Variants in PTPRG observed in about 807,000 individuals in gnomAD.
The protein encoded by PTPRG is receptor-type tyrosine-protein phosphatase gamma.
A neutral mutation model predicts 165.3 loss-of-function variants in PTPRG; 102 were observed. The observed-to-expected ratio is 0.62, with a 90% CI of 0.53 to 0.73. PTPRG has a LOEUF of 0.73. Among genes scored for constraint, PTPRG ranks in the 30% least tolerant of loss-of-function variants. The probability of loss-of-function intolerance (pLI) is 0.00; values close to 1 mark genes in which losing one functional copy is unlikely to be tolerated. For synonymous variants in PTPRG, 675 were observed against 669.5 expected, an observed-to-expected ratio of 1.01 and a Z score of -0.13; for missense variants, 1,866 against 1,861.4, an observed-to-expected ratio of 1.00 and a Z score of -0.05.
chr3:61,831,604 CT>C (rs1237826845), intron 2 of PTPRG, among the ~76,000 whole-genome samples: 2 of 152,056 alleles, frequency 1.3e-5, no homozygotes, highest in African/African-American at 4.8e-5. Flanking sequence ...TATCTTCTTA[CT>C]TTGTTAATTC....
In PTPRG at chr3:62,296,807, G is replaced by A. The variant is rs1703079394; in HGVS notation, c.*3500G>A. 6.6e-6 allele frequency: 1 copy of A among 151,974 alleles called. No individual in the cohort carries two copies. Among genetic ancestry groups the A allele is most frequent in the Admixed American group, 6.6e-5 (1 of 15,232 alleles). 9.4% of individuals were successfully genotyped at this position (151,974 alleles called of 1,614,324 possible). On this transcript the variant is annotated 3_prime_UTR_variant, in exon 30 of 30. Transcript: ENST00000474889. The stretch of plus-strand genomic sequence containing the variant: ...AATAATGATATTTGGCCTCTACTTT[G>A]TCTTAGCTGTTAAACTGTTTTTAGT...
At chr3:62,112,955 T>C (rs779185162) in intron 5 of PTPRG, among the ~76,000 whole-genome samples, 9 of 152,202 alleles carry the variant, frequency 5.9e-5, no homozygotes, top group Non-Finnish European at 1.2e-4. Context: ...CTTTCACCTT[T>C]CGGAGCAGAC....
At chr3:62,069,637 GTCTC>G (rs537162206) in intron 4 of PTPRG, among the ~76,000 whole-genome samples, 6,076 of 141,052 alleles carry the variant, frequency 0.043, 196 homozygotes, top group South Asian at 0.079. Flanking sequence ...TAGGATCGAT[GTCTC>G]TCTCTCTCTC....
intron 1 of PTPRG, among the ~76,000 whole-genome samples, chr3:61,566,179 G>A (rs1436429910): frequency 6.6e-6 from 1 of 152,218 alleles, no homozygotes; most frequent in East Asian, 1.9e-4. Flanking sequence ...GGAAGGGTTG[G>A]CTGATGTGGG....
chr3:62,133,277 G>T (rs541987045), intron 6 of PTPRG, among the ~76,000 whole-genome samples: 1 of 152,362 alleles, frequency 6.6e-6, no homozygotes, highest in Admixed American at 6.5e-5. Context: ...ATGACATCAA[G>T]ATCCTCTAAT....
chr3:61,590,722 G>C (rs377109098), intron 1 of PTPRG, among the ~76,000 whole-genome samples: 14 of 151,954 alleles, frequency 9.2e-5, no homozygotes, highest in African/African-American at 3.1e-4. Context: ...TGTATTGCTT[G>C]TTTTTTTCAT....
chr3:61,760,503 A>C (rs188439745), intron 2 of PTPRG, among the ~76,000 whole-genome samples: 1 of 152,212 alleles, frequency 6.6e-6, no homozygotes. Context: ...TTTAAGTTTC[A>C]TTTCTGCTTA....
chr3:61,926,376 T>C (rs2039210900), intron 2 of PTPRG, among the ~76,000 whole-genome samples: 1 of 151,846 alleles, frequency 6.6e-6, no homozygotes, highest in Non-Finnish European at 1.5e-5. Flanking sequence ...GTGTAGCACC[T>C]CCCCCTCCTC....
intron 7 of PTPRG, among the ~76,000 whole-genome samples, chr3:62,159,377 T>C (rs1423893029): frequency 1.3e-5 from 2 of 152,080 alleles, no homozygotes; most frequent in Admixed American, 1.3e-4. Flanking sequence ...GAATACTGAT[T>C]TGGCTACTTT....
At chr3:61,973,635 C>T (rs1311306634) in intron 2 of PTPRG, among the ~76,000 whole-genome samples, 1 of 152,052 alleles carries the variant, frequency 6.6e-6, no homozygotes, top group Admixed American at 6.6e-5. Context: ...AGTTTGAGAA[C>T]AGCCTGGCCA....
intron 2 of PTPRG, among the ~76,000 whole-genome samples, chr3:61,774,784 A>T (rs1379028125): frequency 6.6e-6 from 1 of 152,206 alleles, no homozygotes; most frequent in Non-Finnish European, 1.5e-5. Flanking sequence ...ACATATGGCT[A>T]TTGAGCAGCT....
At chr3:62,080,062 A>T (rs1859405) in intron 5 of PTPRG, among the ~76,000 whole-genome samples, 88,457 of 128,914 alleles carry the variant, frequency 0.69, 29,505 homozygotes, top group African/African-American at 0.81. Flanking sequence ...CCTTCGGTTC[A>T]TTTTTTTTTT....
chr3:61,665,444 G>A (rs1371125359), intron 1 of PTPRG, among the ~76,000 whole-genome samples: 1 of 148,080 alleles, frequency 6.8e-6, no homozygotes, highest in Admixed American at 6.8e-5. Flanking sequence ...AAAACCCAAA[G>A]CTAAGATGGT....
At chr3:61,719,737 A>G (rs543493746) in intron 1 of PTPRG, among the ~76,000 whole-genome samples, 1 of 152,316 alleles carries the variant, frequency 6.6e-6, no homozygotes, top group South Asian at 2.1e-4. Flanking sequence ...TTGGAAAAGC[A>G]GGGCTTACAG....
intron 3 of PTPRG, among the ~76,000 whole-genome samples, chr3:62,002,613 G>T (rs1023934217): frequency 5.3e-5 from 8 of 152,224 alleles, no homozygotes; most frequent in African/African-American, 1.9e-4. Context: ...GAAATTTAGG[G>T]TTGGAATTTA....
At chr3:61,942,971 T>C (rs2039669495) in intron 2 of PTPRG, among the ~76,000 whole-genome samples, 1 of 152,220 alleles carries the variant, frequency 6.6e-6, no homozygotes, top group African/African-American at 2.4e-5. Flanking sequence ...CAGGCCAGTG[T>C]ATACAGATTT....
chr3:61,954,458 A>G (rs1007792714), intron 2 of PTPRG, among the ~76,000 whole-genome samples: 4 of 152,168 alleles, frequency 2.6e-5, no homozygotes, highest in African/African-American at 7.2e-5. Context: ...TATTAATACC[A>G]TCTGCTCTCA....
rs1029698186 is a variant in PTPRG, at chr3:62,296,366, ATTATT to A, written c.*3064_*3068del. The A allele has an allele frequency of 1.3e-5, 2 of 151,988 alleles. No homozygotes were observed. The highest frequency in any genetic ancestry group is 4.8e-5 in the African/African-American group (2 of 41,392). 9.4% of individuals were successfully genotyped at this position (151,988 alleles called of 1,614,324 possible). A position where few individuals can be genotyped will look rare whatever the true frequency, so the allele number is the denominator to read the frequency against. ...AGTGACATACTGAAATCAGTAAATA[ATTATT>A]TTATAATGACACAGCACAACTGCCT... On this transcript the variant is annotated 3_prime_UTR_variant, in exon 30 of 30. Transcript: ENST00000474889.
At chr3:61,975,883 C>G (rs1469604146) in intron 2 of PTPRG, among the ~76,000 whole-genome samples, 1 of 152,108 alleles carries the variant, frequency 6.6e-6, no homozygotes, top group Admixed American at 6.5e-5. Context: ...TTTACGTTTT[C>G]ACTGATTTGC....
Sources: allele counts gnomAD v4.1 joint callset (sites outside exome capture counted in the v4.1 genomes callset), GRCh38; gene constraint gnomAD v4.1.1; transcripts MANE v1.5; gene names NCBI Gene and HGNC (gene_info 2026-07-23, HGNC 2026-07-21).